USP45: variants seen among roughly 807,000 people sequenced by gnomAD.
USP45 encodes ubiquitin carboxyl-terminal hydrolase 45.
USP45 carries 89 observed loss-of-function variants against 95.8 expected under a neutral mutation model. That is an observed-to-expected ratio of 0.93 (90% confidence interval 0.78 to 1.11). USP45 has a LOEUF of 1.11. USP45 is among the 50% of genes least tolerant of loss of function. USP45 has a pLI of 0.00. For synonymous variants in USP45, 281 were observed against 316.2 expected (o/e 0.89, Z 1.18); for missense variants, 898 against 942.5 (o/e 0.95, Z 0.62).
At chr6:99,479,986 T>C (rs1006766168) in intron 8 of USP45, among the ~76,000 whole-genome samples, 1 of 152,222 alleles carries the variant, frequency 6.6e-6, no homozygotes. Context: ...CCAATGACAT[T>C]GTCTACATAG....
At chr6:99,506,079 C>G (rs748837561) in intron 4 of USP45, among the ~76,000 whole-genome samples, 4 of 152,178 alleles carry the variant, frequency 2.6e-5, no homozygotes, top group Admixed American at 6.5e-5. Context: ...GGTGCCCAAC[C>G]CTTCTGGCTG....
chr6:99,435,883 T>G, intron 17 of USP45, 37 bp from the exon 18 acceptor site: 1 of 1,588,624 alleles, frequency 6.3e-7, no homozygotes, highest in Non-Finnish European at 8.6e-7. Flanking sequence ...TTAAAGTAAG[T>G]ATGCTTTAGG....
Position 99,476,160 on chromosome 6 carries a change from T to G in USP45, c.916A>C (p.Arg306=), listed in dbSNP as rs375679732. ...AACCTGACCTTTGTTTCTTCTGTCC[T>G]CACTGCATCCAGAAGATAATGAAGA... is the stretch of plus-strand genomic sequence containing the variant. The part of the protein sequence containing the change: ...ELLHYLLDAV[R]TEETKRIQAS... The change falls in exon 9 of 18, where the codon AGG becomes CGG. Residue 306 remains arginine (R), a synonymous_variant. Transcript: ENST00000500704. 1.9e-6 allele frequency: 3 copies of G among 1,613,792 alleles called. No individual in the cohort carries two copies. Among genetic ancestry groups the G allele is most frequent in the Non-Finnish European group, 2.5e-6 (3 of 1,179,836 alleles).
At chr6:99,491,296 A>C (rs1041911876) in intron 5 of USP45, among the ~76,000 whole-genome samples, 6 of 152,228 alleles carry the variant, frequency 3.9e-5, no homozygotes, top group Non-Finnish European at 8.8e-5. Flanking sequence ...GAAAAAAGCC[A>C]GTCAGTACTT....
At chr6:99,477,584 A>G (rs996226538) in intron 8 of USP45, among the ~76,000 whole-genome samples, 2 of 152,156 alleles carry the variant, frequency 1.3e-5, no homozygotes, top group Admixed American at 1.3e-4. Context: ...AAGTGCTGGA[A>G]TTACAGGCAT....
At position 99,439,807 on chromosome 6, in the gene USP45, T is replaced by C; in HGVS notation, c.2122A>G (p.Met708Val). Residue 708 changes from methionine (M) to valine (V), a missense_variant, in exon 16 of 18, where the codon ATG becomes GTG. Transcript: ENST00000500704. ...KVNRHVDFPL[M>V]LDLAPFCSAT... Reference sequence around the variant, plus strand: ...GAGCAGAATGGTGCTAAATCGAGCATAAGTGGAAAATCTACATGTCTGTTT... The same window carrying C: ...GAGCAGAATGGTGCTAAATCGAGCACAAGTGGAAAATCTACATGTCTGTTT... The C allele has an allele frequency of 6.2e-7, 1 of 1,608,324 alleles. No individual in the cohort carries two copies. Among genetic ancestry groups the C allele is most frequent in the Non-Finnish European group, 8.5e-7 (1 of 1,176,932 alleles).
chr6:99,488,652 A>G (rs1367241637), intron 6 of USP45, 29 bp downstream of exon 6: 4 of 1,582,456 alleles, frequency 2.5e-6, no homozygotes, highest in East Asian at 2.3e-5. Context: ...AATCTTTTAC[A>G]TATTACAAAG....
chr6:99,488,098 G>A (rs992020016), intron 7 of USP45, 102 bp downstream of exon 7: 2 of 711,434 alleles, frequency 2.8e-6, no homozygotes, highest in Admixed American at 3.0e-5. Flanking sequence ...TAAGCCCCCT[G>A]GCTACTATCT....
chr6:99,516,209 T>C (rs1447799110), upstream of USP45, among the ~76,000 whole-genome samples: 1 of 152,232 alleles, frequency 6.6e-6, no homozygotes, highest in Non-Finnish European at 1.5e-5. Context: ...AGTACATTTC[T>C]TGAAATACAC....
At chr6:99,442,248 T>C (rs1195799096) in intron 15 of USP45, among the ~76,000 whole-genome samples, 2 of 152,222 alleles carry the variant, frequency 1.3e-5, no homozygotes, top group African/African-American at 2.4e-5. Flanking sequence ...TCCTCTCTTA[T>C]TCACACAGAA....
At chr6:99,511,838 AGTGTGTGTATATATATAT>A (rs1275756157) in intron 1 of USP45, among the ~76,000 whole-genome samples, 2 of 16,652 alleles carry the variant, frequency 1.2e-4, no homozygotes, top group Non-Finnish European at 2.0e-4. Context: ...TATGTATGTG[AGTGTGTGTATATATATAT>A]ATATATATAT....
In USP45 at chr6:99,475,780, G is replaced by A. The variant is rs137936469; in HGVS notation, c.933+363C>T. On this transcript the variant is annotated intron_variant, in intron 9 of 17. Coordinates refer to ENST00000500704, the MANE Select transcript of USP45 (RefSeq NM_001346022.3). ...TAAAAAATTAAATTATTTCTCAACT[G>A]TACTTTTAAATTGTAATAGAAATTA... is the stretch of plus-strand genomic sequence containing the variant. Among the ~76,000 whole-genome samples the A allele has an allele frequency of 1.8e-3, 269 of 150,874 alleles. 2 individuals are homozygous for A. Among genetic ancestry groups the A allele is most frequent in the East Asian group, 5.9e-3 (30 of 5,072 alleles).
chr6:99,490,521 T>C (rs1340333018), intron 5 of USP45, among the ~76,000 whole-genome samples: 2 of 151,928 alleles, frequency 1.3e-5, no homozygotes, highest in Non-Finnish European at 2.9e-5. Context: ...CATGTTTTTT[T>C]CACCTAATAC....
chr6:99,468,389 T>TAA (rs1469048709), intron 10 of USP45, 148 bp downstream of exon 10: 1 of 606,950 alleles, frequency 1.6e-6, no homozygotes, highest in Non-Finnish European at 2.9e-6. Flanking sequence ...TCCACTAAAG[T>TAA]ATTTTTCAGA....
intron 5 of USP45, among the ~76,000 whole-genome samples, chr6:99,502,167 C>T (rs1411010292): frequency 6.6e-6 from 1 of 152,198 alleles, no homozygotes; most frequent in Non-Finnish European, 1.5e-5. Context: ...TACCAATACT[C>T]TTGTGTATAT....
chr6:99,468,710 T>C (rs1788583175), intron 9 of USP45, 92 bp from the exon 10 acceptor site: 1 of 742,272 alleles, frequency 1.3e-6, no homozygotes, highest in African/African-American at 1.8e-5. Flanking sequence ...CAAGGTACAC[T>C]GTGGATTTCA....
In USP45 at chr6:99,509,644, G is replaced by C. The variant is rs1250393466; in HGVS notation, c.100+477C>G. 2.1e-4 allele frequency among the ~76,000 whole-genome samples: 19 copies of C among 92,638 alleles called. No homozygotes were observed. The South Asian group carries it at 4.2e-3, about 20-fold the overall frequency. The allele number at this position is 92,638 out of a possible 152,430, so 60.8% of individuals were successfully genotyped here. ...TGGTTTTAATAGGCCATGAGAAAGA[G>C]ACCAAAAAAAAAAAAAAAGCCAATC... On this transcript the variant is annotated intron_variant, in intron 2 of 17. Transcript: ENST00000500704.
chr6:99,507,399 G>T, intron 4 of USP45, 29 bp downstream of exon 4: 1 of 1,417,636 alleles, frequency 7.1e-7, no homozygotes, highest in South Asian at 1.3e-5. Context: ...GTGGTTAGTG[G>T]ACACAAGAAC....
At chr6:99,442,870 A>C (rs984644937) in intron 15 of USP45, among the ~76,000 whole-genome samples, 1 of 151,604 alleles carries the variant, frequency 6.6e-6, no homozygotes, top group Non-Finnish European at 1.5e-5. Flanking sequence ...AAATTATTTA[A>C]GTTTTCTCCT....
Sources: gnomAD v4.1 joint callset for allele counts (sites outside exome capture counted in the v4.1 genomes callset) on GRCh38, gnomAD v4.1.1 for gene constraint, MANE v1.5 for transcripts, NCBI Gene and HGNC (gene_info 2026-07-23, HGNC 2026-07-21) for gene names.